Variants in SRFBP1 observed in about 807,000 individuals in gnomAD.
SRFBP1 encodes the protein serum response factor-binding protein 1.
SRFBP1 carries 47 observed loss-of-function variants against 45.5 expected under a neutral mutation model. The observed-to-expected ratio is 1.03, with a 90% CI of 0.82 to 1.32. The LOEUF (loss-of-function observed/expected upper bound fraction) is 1.32. SRFBP1 is among the 40% of genes most tolerant of loss of function. The pLI, the probability that SRFBP1 is intolerant of heterozygous loss-of-function variation, is 0.00. For missense variants in SRFBP1, 621 were observed against 484.6 expected (o/e 1.28, Z -2.64); for synonymous variants, 203 against 166.3 (o/e 1.22, Z -1.70).
At position 122,026,959 on chromosome 5, in the gene SRFBP1, C is replaced by T. The variant is rs1476404898; in HGVS notation, c.1123C>T (p.Pro375Ser). 5 of 1,610,082 alleles carry T rather than the reference C, an allele frequency of 3.1e-6. No homozygotes were observed. The highest frequency in any genetic ancestry group is 4.2e-6 in the Non-Finnish European group (5 of 1,178,476). Reference sequence around the variant, plus strand: ...CTTCCTAGATTTTCCACAGAATGAGCCTCAGATCAAGAATCAGTTTAATAA... The same window carrying T: ...CTTCCTAGATTTTCCACAGAATGAGTCTCAGATCAAGAATCAGTTTAATAA... ...TRSLDFPQNE[P>S]QIKNQFNKKL... Residue 375 changes from proline (P) to serine (S), a missense_variant, in exon 8 of 8, where the codon CCT becomes TCT. Transcript: ENST00000339397.
chr5:122,028,264 G>A lies in SRFBP1; in HGVS notation c.*1138G>A, dbSNP rs1214256789. 1 of 152,188 alleles carries A rather than the reference G, an allele frequency of 6.6e-6. No individual in the cohort carries two copies. Among genetic ancestry groups the A allele is most frequent in the African/African-American group, 2.4e-5 (1 of 41,448 alleles). The allele number at this position is 152,188 out of a possible 1,614,324, so 9.4% of individuals were successfully genotyped here. On this transcript the variant is annotated 3_prime_UTR_variant, in exon 8 of 8. Coordinates refer to ENST00000339397, the MANE Select transcript of SRFBP1 (RefSeq NM_152546.3). ...GCAGGGAAGGCCATCTGGTTAACCT[G>A]TATTCACAAACTCTCAAGAGTTTCT...
chr5:121,996,228 CAATA>C (rs1752725837), intron 4 of SRFBP1, among the ~76,000 whole-genome samples: 2 of 139,964 alleles, frequency 1.4e-5, no homozygotes, highest in Non-Finnish European at 3.1e-5. Context: ...AATTTTAGAC[CAATA>C]TCCTTGATGA....
At position 121,979,385 on chromosome 5, in the gene SRFBP1, G is replaced by GT. The variant is rs558754433; in HGVS notation, c.198+4006dup. Among the ~76,000 whole-genome samples, 161 of 152,122 alleles carry GT rather than the reference G, an allele frequency of 1.1e-3. 2 individuals carry two copies. Among genetic ancestry groups the GT allele is most frequent in the African/African-American group, 3.8e-3 (157 of 41,526 alleles). Reference sequence around the variant, plus strand: ...GTTTCACATACTGTGACTTTGGTAAGTTTTTTTTCCTATGAATGCTTAAAC... The same window carrying GT: ...GTTTCACATACTGTGACTTTGGTAAGTTTTTTTTTCCTATGAATGCTTAAAC... On this transcript the variant is annotated intron_variant, in intron 3 of 7. Coordinates refer to ENST00000339397, the MANE Select transcript of SRFBP1 (RefSeq NM_152546.3).
Position 121,974,304 on chromosome 5 carries a change from G to T in SRFBP1, c.125+20G>T. ...AAAAAAGTTAGTCATTTAAAGTAAT[G>T]ATCTTGTGACTAATAAAATGTCAAA... On this transcript the variant is annotated intron_variant, in intron 2 of 7. Transcript: ENST00000339397. 1.3e-6 allele frequency: 2 copies of T among 1,553,464 alleles called. No homozygotes were observed. Among genetic ancestry groups the T allele is most frequent in the South Asian group, 1.1e-5 (1 of 89,470 alleles).
chr5:122,035,439 C>A (rs1460457219), intron 2 of SRFBP1, among the ~76,000 whole-genome samples: 1 of 152,156 alleles, frequency 6.6e-6, no homozygotes. Flanking sequence ...ATACTTCTTA[C>A]CTTTATGGCA....
intron 2 of SRFBP1, chr5:122,074,107 C>T (rs1000647921): frequency 6.2e-7 from 1 of 1,613,806 alleles, no homozygotes; most frequent in African/African-American, 1.3e-5. Flanking sequence ...TTCAGCCACT[C>T]TCCTCTGGGT....
chr5:121,967,961 T>A (rs1752110040), intron 1 of SRFBP1, among the ~76,000 whole-genome samples: 1 of 152,222 alleles, frequency 6.6e-6, no homozygotes, highest in African/African-American at 2.4e-5. Flanking sequence ...TGTTTTGCTA[T>A]ATCTTAATAT....
At chr5:121,995,480 C>G (rs1181575910) in intron 4 of SRFBP1, among the ~76,000 whole-genome samples, 1 of 151,906 alleles carries the variant, frequency 6.6e-6, no homozygotes, top group African/African-American at 2.4e-5. Context: ...AACAAAGACA[C>G]AACATACCAG....
chr5:121,978,318 G>A (rs1752344694), intron 3 of SRFBP1, among the ~76,000 whole-genome samples: 1 of 152,090 alleles, frequency 6.6e-6, no homozygotes, highest in South Asian at 2.1e-4. Flanking sequence ...TACTGCTTCA[G>A]TAAGTTGAGA....
At chr5:121,989,664 T>G (rs182648878) in intron 3 of SRFBP1, among the ~76,000 whole-genome samples, 1 of 152,180 alleles carries the variant, frequency 6.6e-6, no homozygotes, top group Non-Finnish European at 1.5e-5. Flanking sequence ...CATGAAACCT[T>G]TCCTCAGAAA....
intron 3 of SRFBP1, among the ~76,000 whole-genome samples, chr5:121,990,465 A>T (rs1173559360): frequency 6.6e-6 from 1 of 152,140 alleles, no homozygotes. Flanking sequence ...AAAAATTCCA[A>T]TGGGGTACTA....
intron 3 of SRFBP1, 120 bp downstream of exon 3, chr5:121,975,507 A>G: frequency 9.4e-7 from 1 of 1,065,048 alleles, no homozygotes; most frequent in Non-Finnish European, 1.4e-6. Flanking sequence ...GACATCTTGT[A>G]TCAGTCTGTT....
intron 7 of SRFBP1, among the ~76,000 whole-genome samples, chr5:122,026,450 A>G (rs1561597164): frequency 6.6e-6 from 1 of 152,238 alleles, no homozygotes; most frequent in Non-Finnish European, 1.5e-5. Context: ...TGGTTCAATA[A>G]CAGACGGGAG....
intron 4 of SRFBP1, among the ~76,000 whole-genome samples, chr5:121,996,914 C>A (rs1165506061): frequency 3.4e-5 from 5 of 147,286 alleles, no homozygotes; most frequent in South Asian, 2.2e-4. Flanking sequence ...CCCATTCACA[C>A]TTGCTTCAAA....
intron 4 of SRFBP1, among the ~76,000 whole-genome samples, chr5:122,010,341 A>G (rs1414674151): frequency 6.6e-6 from 1 of 152,078 alleles, no homozygotes; most frequent in Non-Finnish European, 1.5e-5. Context: ...TAGGACATAT[A>G]CATATGGTGC....
chr5:122,070,327 C>T (rs1754413423), intron 2 of SRFBP1, among the ~76,000 whole-genome samples: 1 of 151,888 alleles, frequency 6.6e-6, no homozygotes, highest in African/African-American at 2.4e-5. Flanking sequence ...CATATTTTCC[C>T]CTGAAGTTCT....
At chr5:122,007,959 G>C (rs1302523707) in intron 4 of SRFBP1, among the ~76,000 whole-genome samples, 2 of 151,884 alleles carry the variant, frequency 1.3e-5, no homozygotes, top group Non-Finnish European at 2.9e-5. Context: ...AGAGTTGTAA[G>C]AACCACTTCG....
chr5:122,041,497 C>T (rs1377836525), intron 2 of SRFBP1, among the ~76,000 whole-genome samples: 1 of 151,958 alleles, frequency 6.6e-6, no homozygotes, highest in African/African-American at 2.4e-5. Context: ...CTTTGCCTAC[C>T]ATGCCTTGCA....
intron 7 of SRFBP1, among the ~76,000 whole-genome samples, chr5:122,022,961 G>T (rs759462886): frequency 4.7e-4 from 71 of 152,204 alleles, no homozygotes; most frequent in Non-Finnish European, 1.3e-4. Context: ...GTCATTCAAG[G>T]ATCAGGCTTC....
Sources: gnomAD v4.1 joint callset for allele counts (sites outside exome capture counted in the v4.1 genomes callset) on GRCh38, gnomAD v4.1.1 for gene constraint, MANE v1.5 for transcripts, NCBI Gene and HGNC (gene_info 2026-07-23, HGNC 2026-07-21) for gene names.